SYT9: variants seen among roughly 807,000 people sequenced by gnomAD.
The protein encoded by SYT9 is synaptotagmin-9.
In SYT9, 22 loss-of-function variants were observed where a neutral mutation model predicts 48.4. That is an observed-to-expected ratio of 0.45 (90% CI 0.32 to 0.65). SYT9 has a LOEUF of 0.65. Among genes scored for constraint, SYT9 ranks in the 30% least tolerant of loss-of-function variants. SYT9 has a pLI of 0.03. For missense variants in SYT9, 577 were observed against 622.0 expected, an observed-to-expected ratio of 0.93 and a Z score of 0.77; for synonymous variants, 265 against 245.0, an observed-to-expected ratio of 1.08 and a Z score of -0.76.
chr11:7,283,172 C>G lies in SYT9; in HGVS notation c.146-19867C>G, dbSNP rs553893534. Among the ~76,000 whole-genome samples the G allele has an allele frequency of 1.8e-3, 275 of 151,086 alleles. 2 individuals are homozygous for G. The highest frequency in any genetic ancestry group is 6.5e-3 in the African/African-American group (266 of 41,228). On this transcript the variant is annotated intron_variant, in intron 1 of 6. Coordinates refer to ENST00000318881, the MANE Select transcript of SYT9 (RefSeq NM_175733.4). ...GTATATATATATATATATACACACA[C>G]ACACACACACAGCCTAACATATATA...
chr11:7,461,597 T>G (rs1327152237), intron 6 of SYT9, among the ~76,000 whole-genome samples: 3 of 152,208 alleles, frequency 2.0e-5, no homozygotes, highest in African/African-American at 7.2e-5. Context: ...GGTCTCGAAC[T>G]CCTAACCTCA....
chr11:7,368,870 A>G (rs939731249), intron 3 of SYT9, among the ~76,000 whole-genome samples: 1 of 152,020 alleles, frequency 6.6e-6, no homozygotes, highest in Non-Finnish European at 1.5e-5. Context: ...ACATTTTTTT[A>G]TCCAGTCTGT....
At chr11:7,443,729 C>G (rs1056028219) in intron 6 of SYT9, among the ~76,000 whole-genome samples, 1 of 152,232 alleles carries the variant, frequency 6.6e-6, no homozygotes, top group African/African-American at 2.4e-5. Flanking sequence ...AATTCAAGAG[C>G]CACAGTCCAA....
chr11:7,391,075 A>G (rs987716068), intron 3 of SYT9, among the ~76,000 whole-genome samples: 1 of 152,220 alleles, frequency 6.6e-6, no homozygotes, highest in East Asian at 1.9e-4. Flanking sequence ...GAGAATACAT[A>G]ATATTGGTTT....
chr11:7,387,512 G>T (rs72846013), intron 3 of SYT9, among the ~76,000 whole-genome samples: 1 of 151,980 alleles, frequency 6.6e-6, no homozygotes, highest in South Asian at 2.1e-4. Flanking sequence ...GTCGTCTAAC[G>T]ATAATGACAG....
At chr11:7,451,181 A>C (rs1485799998) in intron 6 of SYT9, among the ~76,000 whole-genome samples, 1 of 152,194 alleles carries the variant, frequency 6.6e-6, no homozygotes, top group African/African-American at 2.4e-5. Context: ...CATAATTTCT[A>C]AACCCAGTAG....
At chr11:7,323,100 T>A (rs1301785925) in intron 3 of SYT9, among the ~76,000 whole-genome samples, 1 of 152,190 alleles carries the variant, frequency 6.6e-6, no homozygotes, top group Non-Finnish European at 1.5e-5. Flanking sequence ...TCAATGGTTA[T>A]TTGAATTAAT....
chr11:7,375,572 T>A (rs571721747), intron 3 of SYT9, among the ~76,000 whole-genome samples: 1 of 151,854 alleles, frequency 6.6e-6, no homozygotes, highest in Non-Finnish European at 1.5e-5. Context: ...TCCATTTGTT[T>A]GTGTCCTCTC....
rs759372659 is a variant in SYT9 at position 7,449,322 on chromosome 11, C to CAAAAAAA, written c.1468-17448_1468-17442dup. On this transcript the variant is annotated intron_variant, in intron 6 of 6. Transcript: ENST00000318881. Reference sequence around the variant, plus strand: ...TGGGCAACAGAGTGAGACTCCACCTCAAAAAAAAAAAAAAAAAAAAAAAAA... The same window carrying CAAAAAAA: ...TGGGCAACAGAGTGAGACTCCACCTCAAAAAAAAAAAAAAAAAAAAAAAAAAAAAAAA... Among the ~76,000 whole-genome samples the CAAAAAAA allele has an allele frequency of 4.5e-5, 2 of 44,764 alleles. 1 individual carries two copies. Among genetic ancestry groups the CAAAAAAA allele is most frequent in the African/African-American group, 1.3e-4 (2 of 15,340 alleles). 29.4% of individuals were successfully genotyped at this position (44,764 alleles called of 152,430 possible). A position where few individuals can be genotyped will look rare whatever the true frequency, so the allele number is the denominator to read the frequency against.
intron 3 of SYT9, among the ~76,000 whole-genome samples, chr11:7,391,518 A>G (rs1274049015): frequency 2.6e-5 from 4 of 152,006 alleles, no homozygotes; most frequent in Admixed American, 6.6e-5. Flanking sequence ...GTGAGAGAGT[A>G]TCTCATTGTG....
intron 3 of SYT9, among the ~76,000 whole-genome samples, chr11:7,343,895 T>G (rs1849755379): frequency 6.6e-6 from 1 of 152,082 alleles, no homozygotes; most frequent in Non-Finnish European, 1.5e-5. Flanking sequence ...CAAGACAGAA[T>G]GAGAGCCAAG....
intron 1 of SYT9, among the ~76,000 whole-genome samples, chr11:7,300,463 C>T (rs1044526398): frequency 1.3e-5 from 2 of 152,196 alleles, no homozygotes; most frequent in South Asian, 2.1e-4. Flanking sequence ...GGGATTTATG[C>T]TTCTCCCTTG....
At chr11:7,260,170 G>A (rs893175702) in intron 1 of SYT9, among the ~76,000 whole-genome samples, 8 of 152,130 alleles carry the variant, frequency 5.3e-5, no homozygotes. Context: ...AGATACATTA[G>A]ACATGCTTAC....
chr11:7,267,517 T>TA (rs1021893143), intron 1 of SYT9, among the ~76,000 whole-genome samples: 2 of 151,460 alleles, frequency 1.3e-5, no homozygotes, highest in African/African-American at 4.8e-5. Flanking sequence ...TCTCTTGAGT[T>TA]AAAAAAAATC....
intron 3 of SYT9, among the ~76,000 whole-genome samples, chr11:7,395,663 C>T (rs949140579): frequency 6.6e-6 from 1 of 152,082 alleles, no homozygotes; most frequent in African/African-American, 2.4e-5. Context: ...ATAGCTACCC[C>T]TGTTCTTTTT....
At chr11:7,429,334 CTCTT>C (rs1847523019) in intron 6 of SYT9, among the ~76,000 whole-genome samples, 1 of 152,306 alleles carries the variant, frequency 6.6e-6, no homozygotes, top group East Asian at 1.9e-4. Flanking sequence ...AAGATGCTCT[CTCTT>C]TCTTGTTGGA....
At chr11:7,365,149 T>C (rs1397078517) in intron 3 of SYT9, among the ~76,000 whole-genome samples, 2 of 151,704 alleles carry the variant, frequency 1.3e-5, no homozygotes, top group Admixed American at 1.3e-4. Context: ...GCTCTGATAA[T>C]GGAGTGTAAG....
intron 3 of SYT9, among the ~76,000 whole-genome samples, chr11:7,358,509 C>T (rs1272965912): frequency 2.6e-5 from 4 of 152,106 alleles, no homozygotes; most frequent in Admixed American, 2.6e-4. Context: ...ATGGGGCAAG[C>T]AAGTATTCTT....
intron 3 of SYT9, among the ~76,000 whole-genome samples, chr11:7,320,036 TA>T (rs35345433): frequency 6.6e-6 from 1 of 152,196 alleles, no homozygotes; most frequent in Non-Finnish European, 1.5e-5. Flanking sequence ...AGCTTATTTT[TA>T]AAAAGCCATT....
Sources: allele counts gnomAD v4.1 joint callset (sites outside exome capture counted in the v4.1 genomes callset), GRCh38; gene constraint gnomAD v4.1.1; transcripts MANE v1.5; gene names NCBI Gene and HGNC (gene_info 2026-07-23, HGNC 2026-07-21).